TAF2: variants seen among roughly 807,000 people sequenced by gnomAD.
TAF2 encodes the protein TATA-box binding protein associated factor 2, also known as transcription initiation factor TFIID subunit 2.
In TAF2, 61 loss-of-function variants were observed where a neutral mutation model predicts 138.5. The ratio of observed to expected loss-of-function variants is 0.44; its 90% CI spans 0.36 to 0.54. TAF2 has a LOEUF of 0.54. TAF2 is among the 20% of genes least tolerant of loss of function. The pLI is 0.00. For synonymous variants in TAF2, 475 were observed against 469.9 expected, an observed-to-expected ratio of 1.01 and a Z score of -0.14; for missense variants, 1,090 against 1,427.9, an observed-to-expected ratio of 0.76 and a Z score of 3.81.
chr8:119,763,025 G>A (rs1821172163), intron 18 of TAF2: 1 of 159,396 alleles, frequency 6.3e-6, no homozygotes, highest in Non-Finnish European at 1.4e-5. Context: ...ATCAGATGCT[G>A]TGGCCAGGGA....
chr8:119,817,479 G>A (rs778203966), intron 3 of TAF2, among the ~76,000 whole-genome samples: 19 of 152,230 alleles, frequency 1.2e-4, no homozygotes, highest in Admixed American at 2.6e-4. Context: ...CCCCTGGTCC[G>A]TGGAAAAACT....
intron 10 of TAF2, 71 bp downstream of exon 10, chr8:119,793,293 ATT>A (rs1823571367): frequency 1.6e-6 from 2 of 1,279,332 alleles, no homozygotes; most frequent in East Asian, 2.4e-5. Flanking sequence ...ATGAAATACT[ATT>A]TAGCTCTTAA....
chr8:119,791,340 A>C lies in TAF2; in HGVS notation c.1397T>G (p.Met466Arg), dbSNP rs1482869581. 1 of 1,613,708 alleles carries C rather than the reference A, an allele frequency of 6.2e-7. No individual in the cohort carries two copies. The highest frequency in any genetic ancestry group is 1.1e-5 in the South Asian group (1 of 91,072). ...VMRLIENRIS[M>R]EFMLQVFNKL... is the part of the protein sequence containing the mutation. ...AATACTTACTTGTAGCATAAATTCC[A>C]TACTGATCCTATTTTCAATCAATCT... The change falls in exon 11 of 26, where the codon ATG (methionine) becomes AGG (arginine). Residue 466 changes from methionine (M) to arginine (R), a missense_variant. Met to Arg is a moderately conservative substitution (Grantham distance 91). Coordinates refer to ENST00000378164, the MANE Select transcript of TAF2 (RefSeq NM_003184.4).
intron 4 of TAF2, among the ~76,000 whole-genome samples, chr8:119,805,845 T>A (rs1376686599): frequency 1.3e-5 from 2 of 152,064 alleles, no homozygotes; most frequent in Non-Finnish European, 2.9e-5. Flanking sequence ...CCATTCTATA[T>A]ATTTCAACTG....
chr8:119,747,838 C>A (rs1269609938), intron 22 of TAF2, among the ~76,000 whole-genome samples: 1 of 152,048 alleles, frequency 6.6e-6, no homozygotes, highest in Admixed American at 6.6e-5. Flanking sequence ...AGAAAAAAAA[C>A]CCCGGCTAGG....
At chr8:119,826,781 C>T (rs1160766068) in intron 2 of TAF2, among the ~76,000 whole-genome samples, 5 of 152,040 alleles carry the variant, frequency 3.3e-5, no homozygotes, top group African/African-American at 9.7e-5. Context: ...TTAGTAGAGA[C>T]GGGGTTTCAC....
rs545955073 is a variant in TAF2, at chr8:119,730,960, C to T, written c.*964G>A. 3 of 152,090 alleles carry T rather than the reference C, an allele frequency of 2.0e-5. No individual in the cohort carries two copies. The highest frequency in any genetic ancestry group is 1.3e-4 in the Admixed American group (2 of 15,270). 9.4% of individuals were successfully genotyped at this position (152,090 alleles called of 1,614,324 possible). ...AAATTCAGAAATAAAAACACACCACCATATAAAGAAATCAAAATATTTCAT... is the reference window on the plus strand; with the variant it reads ...AAATTCAGAAATAAAAACACACCACTATATAAAGAAATCAAAATATTTCAT... On this transcript the variant is annotated 3_prime_UTR_variant, in exon 26 of 26. Transcript: ENST00000378164.
chr8:119,802,464 G>A (rs1008500666), intron 5 of TAF2, among the ~76,000 whole-genome samples: 4 of 152,150 alleles, frequency 2.6e-5, no homozygotes, highest in Non-Finnish European at 4.4e-5. Context: ...GTAACGTATT[G>A]TATAAATTCA....
Position 119,762,595 on chromosome 8 carries a change from T to C in TAF2, c.2378A>G (p.Tyr793Cys), listed in dbSNP as rs1277325654. 2.5e-6 allele frequency: 4 copies of C among 1,612,330 alleles called. No individual in the cohort carries two copies. The highest frequency in any genetic ancestry group is 3.4e-6 in the Non-Finnish European group (4 of 1,179,188). ...GGCATCAATCATTTCTGCACGATAA[T>C]AGTTATCTGAAAACTAGGCCAAAGA... ...DNRKNKFSDN[Y>C]YRAEMIDALA... The change falls in exon 19 of 26, where the codon TAT (tyrosine) becomes TGT (cysteine). Residue 793 changes from tyrosine to cysteine, a missense_variant. Tyr to Cys is a radical substitution (Grantham distance 194). Around this residue, in one of 3 missense-constraint regions of TAF2, gnomAD observed 580 missense variants for 719.6 expected, o/e 0.81. Transcript: ENST00000378164.
At chr8:119,809,857 A>C (rs6996373) in intron 3 of TAF2, among the ~76,000 whole-genome samples, 15,639 of 152,188 alleles carry the variant, frequency 0.1, 1,248 homozygotes, top group African/African-American at 0.22. Context: ...AGATTACCTT[A>C]ACAGATATAA....
chr8:119,808,469 T>C (rs1039642367), intron 3 of TAF2, among the ~76,000 whole-genome samples: 3 of 152,206 alleles, frequency 2.0e-5, no homozygotes, highest in Admixed American at 6.5e-5. Flanking sequence ...AATCAACTTC[T>C]TCCAAACCCT....
chr8:119,765,354 C>T (rs1267699216), intron 18 of TAF2, among the ~76,000 whole-genome samples: 1 of 151,762 alleles, frequency 6.6e-6, no homozygotes, highest in Admixed American at 6.6e-5. Context: ...GTCAAGAAAA[C>T]AAAACAAAAT....
Position 119,795,617 on chromosome 8 carries a change from A to G in TAF2, c.1106T>C (p.Val369Ala), listed in dbSNP as rs1474957667. The change falls in exon 9 of 26, where the codon GTG (valine) becomes GCG (alanine). Residue 369 changes from valine (V) to alanine (A), a missense_variant. By Grantham distance (64) the Val-to-Ala change is moderately conservative. Transcript: ENST00000378164. ...GATATAGCCTGAAATTCCCTTCAGC[A>G]CCCATTCATCAGACCTAAGCAAAAA... ...ISRMSWSDEW[V>A]LKGISGYIYG... is the part of the protein sequence containing the mutation. 1 of 1,613,788 alleles carries G rather than the reference A, an allele frequency of 6.2e-7. No homozygotes were observed. The highest frequency in any genetic ancestry group is 8.5e-7 in the Non-Finnish European group (1 of 1,179,814).
chr8:119,775,497 G>A (rs1297769988), intron 18 of TAF2, among the ~76,000 whole-genome samples: 6 of 151,880 alleles, frequency 4.0e-5, no homozygotes, highest in African/African-American at 1.5e-4. Flanking sequence ...GAGGTCAGGA[G>A]TTCGAGACCA....
intron 3 of TAF2, among the ~76,000 whole-genome samples, chr8:119,814,737 CAAAA>C: frequency 1.2e-5 from 1 of 86,476 alleles, no homozygotes; most frequent in East Asian, 3.6e-4. Flanking sequence ...ACCAAAAATA[CAAAA>C]AAAAAAAAAA....
chr8:119,782,092 T>C (rs1388064339), intron 16 of TAF2, among the ~76,000 whole-genome samples: 1 of 152,240 alleles, frequency 6.6e-6, no homozygotes, highest in African/African-American at 2.4e-5. Context: ...ATATTTTGAA[T>C]AGTCTGTCTT....
At position 119,806,353 on chromosome 8, in the gene TAF2, A is replaced by G; in HGVS notation, c.348T>C (p.Ala116=). 1 of 1,614,192 alleles carries G rather than the reference A, an allele frequency of 6.2e-7. No individual in the cohort carries two copies. The highest frequency in any genetic ancestry group is 8.5e-7 in the Non-Finnish European group (1 of 1,180,024). Residue 116 remains alanine, a synonymous_variant, in exon 4 of 26, where the codon GCT becomes GCC. Transcript: ENST00000378164. Reference sequence around the variant, plus strand: ...CTCCATTTCCTGCATCAGGGTCCACAGCACTAACTGCAGCTGCATAAGCAT... The same window carrying G: ...CTCCATTTCCTGCATCAGGGTCCACGGCACTAACTGCAGCTGCATAAGCAT... ...FSNAYAAAVS[A]VDPDAGNGEL... is the part of the protein sequence containing the mutation.
chr8:119,806,453 G>C, intron 3 of TAF2, 52 bp from the exon 4 acceptor site: 24 of 1,217,716 alleles, frequency 2.0e-5, no homozygotes, highest in South Asian at 2.6e-5. Context: ...ATCTTACCAA[G>C]CATTTTTCTT....
intron 22 of TAF2, among the ~76,000 whole-genome samples, chr8:119,752,321 T>C (rs1820408356): frequency 6.6e-6 from 1 of 152,132 alleles, no homozygotes; most frequent in South Asian, 2.1e-4. Flanking sequence ...TGTATATATT[T>C]ACAAAGCAAA....
Sources: allele counts gnomAD v4.1 joint callset (sites outside exome capture counted in the v4.1 genomes callset), GRCh38; gene constraint gnomAD v4.1.1; regional missense constraint gnomAD v4.1.1; transcripts MANE v1.5; gene names NCBI Gene and HGNC (gene_info 2026-07-23, HGNC 2026-07-21).